DAOA: variants seen among roughly 807,000 people sequenced by gnomAD.
DAOA encodes the protein D-amino acid oxidase activator.
DAOA carries 15 observed loss-of-function variants against 16.4 expected under a neutral mutation model. That is an observed-to-expected ratio of 0.91 (90% CI 0.61 to 1.41). The LOEUF is 1.41. DAOA is among the 40% of genes most tolerant of loss of function. DAOA has a pLI of 0.00. For missense variants in DAOA, 230 were observed against 176.8 expected, an observed-to-expected ratio of 1.30 and a Z score of -1.71; for synonymous variants, 75 against 59.1, an observed-to-expected ratio of 1.27 and a Z score of -1.23.
intron 4 of DAOA, among the ~76,000 whole-genome samples, chr13:105,475,630 A>G (rs951144261): frequency 3.3e-5 from 5 of 152,202 alleles, no homozygotes; most frequent in Non-Finnish European, 7.3e-5. Flanking sequence ...GAAGGTAAAA[A>G]TATCTCAGAT....
intron 4 of DAOA, among the ~76,000 whole-genome samples, chr13:105,483,558 G>C (rs1337593524): frequency 6.6e-6 from 1 of 152,078 alleles, no homozygotes; most frequent in African/African-American, 2.4e-5. Context: ...TTAAAAAAGA[G>C]GGCAGTGCTA....
intron 4 of DAOA, among the ~76,000 whole-genome samples, chr13:105,474,315 G>T (rs1026484132): frequency 2.6e-5 from 4 of 151,972 alleles, no homozygotes; most frequent in African/African-American, 7.2e-5. Context: ...TCTTTCAAAA[G>T]ATTTTACTCA....
intron 3 of DAOA, among the ~76,000 whole-genome samples, chr13:105,469,975 G>T (rs1359221035): frequency 6.6e-6 from 1 of 151,850 alleles, no homozygotes; most frequent in African/African-American, 2.4e-5. Context: ...TTTCTTGGAT[G>T]ATTTCTTATT....
intron 4 of DAOA, among the ~76,000 whole-genome samples, chr13:105,486,147 C>G (rs149386042): frequency 1.0e-3 from 159 of 152,300 alleles, no homozygotes; most frequent in African/African-American, 3.7e-3. Flanking sequence ...CTTTTAGTGG[C>G]TCCTTATTAT....
intron 2 of DAOA, 163 bp from the exon 3 acceptor site, chr13:105,466,890 T>C (rs1469053890): frequency 3.0e-6 from 3 of 993,570 alleles, no homozygotes; most frequent in Middle Eastern, 2.9e-4. Flanking sequence ...TCTTCATCTA[T>C]AAAAATAAAA....
intron 4 of DAOA, among the ~76,000 whole-genome samples, chr13:105,473,211 T>C (rs1877107998): frequency 6.6e-6 from 1 of 151,930 alleles, no homozygotes; most frequent in South Asian, 2.1e-4. Context: ...TATAAAACAC[T>C]TAAAACTGTT....
Position 105,467,059 on chromosome 13 carries a change from A to T in DAOA, c.51A>T (p.Arg17Ser). The T allele has an allele frequency of 6.2e-7, 1 of 1,610,378 alleles. No homozygotes were observed. Among genetic ancestry groups the T allele is most frequent in the Non-Finnish European group, 8.5e-7 (1 of 1,178,244 alleles). ...GADSLQLFRS[R>S]YTLGKIYFIG... Reference sequence around the variant, plus strand: ...TATTTTCTTTAATTTTTAGATCCAGATATACATTGGGTAAAATCTACTTCA... The same window carrying T: ...TATTTTCTTTAATTTTTAGATCCAGTTATACATTGGGTAAAATCTACTTCA... Residue 17 changes from arginine to serine, a missense_variant, in exon 3 of 6, where the codon AGA (arginine) becomes AGT (serine). By Grantham distance (110) the Arg-to-Ser change is moderately radical (BLOSUM62 -1). Transcript: ENST00000375936.
chr13:105,489,953 G>A lies in DAOA; in HGVS notation c.334G>A (p.Glu112Lys), dbSNP rs1878401150. 1 of 1,613,636 alleles carries A rather than the reference G, an allele frequency of 6.2e-7. No individual in the cohort carries two copies. The highest frequency in any genetic ancestry group is 8.5e-7 in the Non-Finnish European group (1 of 1,179,892). Residue 112 changes from glutamate to lysine, a missense_variant, in exon 5 of 6, where the codon GAG becomes AAG. Physicochemically the swap from Glu to Lys is moderately conservative, Grantham distance 56. Coordinates refer to ENST00000375936, the MANE Select transcript of DAOA (RefSeq NM_172370.5). ...AAAAGTCTTCATGGCAAGAAACTAT[G>A]AGTTCCTTGCCTATGAGGCCTCTAA... ...VGKVFMARNYEFLAYEASKDR... is the reference protein window; with the variant it reads ...VGKVFMARNYKFLAYEASKDR...
intron 4 of DAOA, among the ~76,000 whole-genome samples, chr13:105,486,036 C>T (rs1421722177): frequency 6.6e-6 from 1 of 152,166 alleles, no homozygotes; most frequent in Non-Finnish European, 1.5e-5. Flanking sequence ...TCCTATGTGC[C>T]ACCTGGTATC....
chr13:105,476,062 G>C (rs1877308549), intron 4 of DAOA, among the ~76,000 whole-genome samples: 1 of 152,038 alleles, frequency 6.6e-6, no homozygotes, highest in Admixed American at 6.6e-5. Context: ...ATTTATTGGA[G>C]GGTCTCATTC....
At chr13:105,478,891 C>A (rs1877520956) in intron 4 of DAOA, among the ~76,000 whole-genome samples, 1 of 152,164 alleles carries the variant, frequency 6.6e-6, no homozygotes, top group Non-Finnish European at 1.5e-5. Flanking sequence ...AATGGGTGAT[C>A]TTCAATTTTT....
chr13:105,482,804 C>T (rs1293552401), intron 4 of DAOA, among the ~76,000 whole-genome samples: 1 of 152,142 alleles, frequency 6.6e-6, no homozygotes, highest in South Asian at 2.1e-4. Context: ...CTGCTCCTGG[C>T]CAGTTTTTAA....
intron 3 of DAOA, among the ~76,000 whole-genome samples, chr13:105,471,430 A>G (rs1876949299): frequency 6.6e-6 from 1 of 152,218 alleles, no homozygotes; most frequent in Admixed American, 6.5e-5. Flanking sequence ...AAGTTTACCT[A>G]GATGATACCA....
At chr13:105,476,483 A>T (rs1243478198) in intron 4 of DAOA, among the ~76,000 whole-genome samples, 1 of 148,384 alleles carries the variant, frequency 6.7e-6, no homozygotes, top group Non-Finnish European at 1.5e-5. Context: ...GTTCACTTGT[A>T]CCAAAAAACA....
chr13:105,471,849 G>A (rs1441453258), intron 3 of DAOA, among the ~76,000 whole-genome samples: 1 of 152,218 alleles, frequency 6.6e-6, no homozygotes, highest in Non-Finnish European at 1.5e-5. Context: ...CAAAGATGAT[G>A]AAAGGCAGAG....
intron 3 of DAOA, among the ~76,000 whole-genome samples, chr13:105,471,069 T>C (rs1316240445): frequency 6.6e-6 from 1 of 151,972 alleles, no homozygotes; most frequent in African/African-American, 2.4e-5. Context: ...ATTACAGGCA[T>C]GAGCCACCGT....
At chr13:105,480,527 C>CATAGATAGATAGATAG (rs59797400) in intron 4 of DAOA, among the ~76,000 whole-genome samples, 12 of 146,752 alleles carry the variant, frequency 8.2e-5, no homozygotes, top group East Asian at 2.0e-4. Context: ...TGGATAGATA[C>CATAGATAGATAGATAG]ATAGATAGAT....
chr13:105,481,150 A>G (rs1877718504), intron 4 of DAOA, among the ~76,000 whole-genome samples: 1 of 152,180 alleles, frequency 6.6e-6, no homozygotes, highest in Non-Finnish European at 1.5e-5. Context: ...TTGGAAACAT[A>G]TTAATTGGGC....
chr13:105,484,500 G>A (rs1039103740), intron 4 of DAOA, among the ~76,000 whole-genome samples: 1 of 151,848 alleles, frequency 6.6e-6, no homozygotes, highest in African/African-American at 2.4e-5. Context: ...TTTCCTTAGT[G>A]TTTTCTATTT....
Sources: allele counts gnomAD v4.1 joint callset (sites outside exome capture counted in the v4.1 genomes callset), GRCh38; gene constraint gnomAD v4.1.1; transcripts MANE v1.5; gene names NCBI Gene and HGNC (gene_info 2026-07-23, HGNC 2026-07-21).